The following ATP8B4 variants were observed in gnomAD, a reference collection of about 807,000 sequenced individuals.
The protein encoded by ATP8B4 is ATPase phospholipid transporting 8B4 (putative).
Under a neutral mutation model 145.6 loss-of-function variants are expected in ATP8B4, and 133 were observed. That is an observed-to-expected ratio of 0.91 (90% CI 0.79 to 1.05). ATP8B4 has a LOEUF of 1.05. Among genes scored for constraint, ATP8B4 ranks in the 50% least tolerant of loss-of-function variants. The probability of loss-of-function intolerance (pLI) is 0.00; values close to 1 mark genes in which losing one functional copy is unlikely to be tolerated. For synonymous variants in ATP8B4, 507 were observed against 492.9 expected, an observed-to-expected ratio of 1.03 and a Z score of -0.38; for missense variants, 1,458 against 1,425.2, an observed-to-expected ratio of 1.02 and a Z score of -0.37.
At chr15:50,127,893 A>G (rs2057317794) in intron 1 of ATP8B4, among the ~76,000 whole-genome samples, 1 of 152,182 alleles carries the variant, frequency 6.6e-6, no homozygotes, top group South Asian at 2.1e-4. Flanking sequence ...GGTGTGCCTC[A>G]CTGTGGTTCT....
At chr15:50,108,097 GC>G (rs1239494166) in intron 1 of ATP8B4, among the ~76,000 whole-genome samples, 2 of 152,022 alleles carry the variant, frequency 1.3e-5, no homozygotes. Context: ...TAAAAGCAAG[GC>G]TAGGTCATCA....
chr15:49,892,698 C>A (rs1448620049), intron 23 of ATP8B4, among the ~76,000 whole-genome samples: 1 of 152,152 alleles, frequency 6.6e-6, no homozygotes, highest in South Asian at 2.1e-4. Context: ...AAGCAGCGTT[C>A]CATGCAAAAT....
intron 6 of ATP8B4, among the ~76,000 whole-genome samples, chr15:50,030,380 C>T (rs916808317): frequency 2.0e-5 from 3 of 152,124 alleles, no homozygotes; most frequent in Middle Eastern, 3.4e-3. Context: ...TCTGGTGATT[C>T]GCTGCAATAG....
chr15:50,018,137 A>G (rs2153578130), intron 6 of ATP8B4, among the ~76,000 whole-genome samples: 1 of 152,100 alleles, frequency 6.6e-6, no homozygotes, highest in Non-Finnish European at 1.5e-5. Context: ...ACAGACATGC[A>G]TCACCACACC....
chr15:50,044,544 A>G (rs1156971009), intron 5 of ATP8B4, 50 bp downstream of exon 5: 1 of 1,286,550 alleles, frequency 7.8e-7, no homozygotes, highest in Admixed American at 2.0e-5. Context: ...ATTTCTGAGA[A>G]GCCACAACTG....
intron 6 of ATP8B4, among the ~76,000 whole-genome samples, chr15:50,034,085 G>A (rs925986241): frequency 1.6e-4 from 25 of 152,156 alleles, no homozygotes; most frequent in African/African-American, 5.8e-4. Context: ...ATCCAGTAAT[G>A]AAATTGCTGG....
In ATP8B4 at chr15:49,897,967, A is replaced by T. The variant is rs1029552220; in HGVS notation, c.2473+101T>A. The T allele has an allele frequency of 9.0e-6, 12 of 1,331,644 alleles. No homozygotes were observed. The African/African-American group carries it at 1.5e-4, about 16-fold the overall frequency. The allele number at this position is 1,331,644 out of a possible 1,614,324, so 82.5% of individuals were successfully genotyped here. A position where few individuals can be genotyped will look rare whatever the true frequency, so the allele number is the denominator to read the frequency against. On this transcript the variant is annotated intron_variant, in intron 22 of 27. Transcript: ENST00000284509. The stretch of plus-strand genomic sequence containing the variant: ...TATCATTCATTTTAGAATCACTGGC[A>T]AAATTAAATTTTAATGCAATCTAGT...
intron 1 of ATP8B4, among the ~76,000 whole-genome samples, chr15:50,157,773 C>T (rs924559784): frequency 6.6e-6 from 1 of 152,026 alleles, no homozygotes; most frequent in African/African-American, 2.4e-5. Context: ...TCTCCCTCTC[C>T]CTCTCTCTCC....
chr15:50,131,316 A>G (rs1233525408), intron 1 of ATP8B4, among the ~76,000 whole-genome samples: 2 of 152,250 alleles, frequency 1.3e-5, no homozygotes, highest in Non-Finnish European at 2.9e-5. Flanking sequence ...CTTCATATAT[A>G]GTAATTCATT....
intron 1 of ATP8B4, among the ~76,000 whole-genome samples, chr15:50,149,890 C>A (rs2044325147): frequency 6.6e-6 from 1 of 152,140 alleles, no homozygotes; most frequent in Admixed American, 6.6e-5. Flanking sequence ...CACCTGAGGT[C>A]AGGAGTTTGA....
At chr15:49,921,333 C>A (rs2040240067) in intron 17 of ATP8B4, among the ~76,000 whole-genome samples, 1 of 152,142 alleles carries the variant, frequency 6.6e-6, no homozygotes, top group Admixed American at 6.5e-5. Context: ...GAAGTTAGTA[C>A]TAAATTAGTC....
intron 1 of ATP8B4, among the ~76,000 whole-genome samples, chr15:50,171,422 T>C (rs141060248): frequency 6.6e-6 from 1 of 152,144 alleles, no homozygotes; most frequent in African/African-American, 2.4e-5. Flanking sequence ...ACCATGCAAA[T>C]ACATGGAAAT....
chr15:49,880,017 C>G (rs188457828), intron 23 of ATP8B4: 1 of 152,208 alleles, frequency 6.6e-6, no homozygotes, highest in Non-Finnish European at 1.5e-5. Flanking sequence ...CACAAGAATT[C>G]CCTGCATGGG....
intron 18 of ATP8B4, among the ~76,000 whole-genome samples, chr15:49,919,827 G>A (rs2040097444): frequency 6.6e-6 from 1 of 152,158 alleles, no homozygotes; most frequent in African/African-American, 2.4e-5. Flanking sequence ...AATAGACCAT[G>A]CTCTGGATAG....
intron 1 of ATP8B4, among the ~76,000 whole-genome samples, chr15:50,161,118 T>C (rs1280869587): frequency 6.6e-6 from 1 of 152,156 alleles, no homozygotes; most frequent in Non-Finnish European, 1.5e-5. Flanking sequence ...TTTATCTTTA[T>C]ATAGTGACCT....
chr15:50,038,724 G>T, intron 6 of ATP8B4, 44 bp downstream of exon 6: 8 of 1,480,236 alleles, frequency 5.4e-6, no homozygotes, highest in Non-Finnish European at 7.5e-6. Context: ...GCTGTTTCAG[G>T]GTCCTAGAAA....
intron 26 of ATP8B4, among the ~76,000 whole-genome samples, chr15:49,864,241 T>C (rs1456605773): frequency 6.6e-6 from 1 of 152,244 alleles, no homozygotes; most frequent in Non-Finnish European, 1.5e-5. Context: ...CATTTTTAAG[T>C]GTATGCGTGA....
At chr15:49,871,589 G>A (rs1598811758) in intron 25 of ATP8B4, among the ~76,000 whole-genome samples, 2 of 152,306 alleles carry the variant, frequency 1.3e-5, no homozygotes, top group East Asian at 3.9e-4. Context: ...TGGTCATCTA[G>A]GTTAAGACAG....
Position 49,862,242 on chromosome 15 carries a change from T to C in ATP8B4, c.3297+3A>G, listed in dbSNP as rs1330624110. 1.2e-6 allele frequency: 2 copies of C among 1,612,924 alleles called. No homozygotes were observed. The highest frequency in any genetic ancestry group is 1.7e-6 in the Non-Finnish European group (2 of 1,179,186). On this transcript the variant is annotated splice_donor_region_variant and intron_variant, in intron 27 of 27. Coordinates refer to ENST00000284509, the MANE Select transcript of ATP8B4 (RefSeq NM_024837.4). ...TCAAGTATTCATCAGCACTGTGACA[T>C]ACCTGATCACTCAGGGTTGGGTATA...
Sources: allele counts gnomAD v4.1 joint callset (sites outside exome capture counted in the v4.1 genomes callset), GRCh38; gene constraint gnomAD v4.1.1; transcripts MANE v1.5; gene names NCBI Gene and HGNC (gene_info 2026-07-23, HGNC 2026-07-21).